NEK1: variants seen among roughly 807,000 people sequenced by gnomAD.
NEK1 encodes NIMA related kinase 1.
A neutral mutation model predicts 182.1 loss-of-function variants in NEK1; 137 were observed. The observed-to-expected ratio is 0.75, with a 90% CI of 0.65 to 0.87. The LOEUF is 0.87. Among genes scored for constraint, NEK1 ranks in the 40% least tolerant of loss-of-function variants. The pLI is 0.00. For missense variants in NEK1, 1,391 were observed against 1,494.4 expected, an observed-to-expected ratio of 0.93 and a Z score of 1.14; for synonymous variants, 513 against 492.2, an observed-to-expected ratio of 1.04 and a Z score of -0.56.
At chr4:169,591,152 C>G (rs559968448) in intron 5 of NEK1, among the ~76,000 whole-genome samples, 139 of 147,728 alleles carry the variant, frequency 9.4e-4, no homozygotes, top group African/African-American at 3.5e-3. Flanking sequence ...ACGCCCCCCC[C>G]CCACTTCTTT....
At chr4:169,597,834 T>C (rs1431009076) in intron 5 of NEK1, among the ~76,000 whole-genome samples, 2 of 152,010 alleles carry the variant, frequency 1.3e-5, no homozygotes, top group African/African-American at 4.8e-5. Flanking sequence ...CTCGGGAGGC[T>C]GAGGCAGGAG....
chr4:169,467,957 C>A (rs1196341047), intron 26 of NEK1, among the ~76,000 whole-genome samples: 1 of 151,556 alleles, frequency 6.6e-6, no homozygotes, highest in African/African-American at 2.4e-5. Flanking sequence ...CCATAAGAAA[C>A]CCATGTTAAA....
chr4:169,593,386 A>G (rs1768863761), intron 5 of NEK1, among the ~76,000 whole-genome samples: 1 of 152,210 alleles, frequency 6.6e-6, no homozygotes, highest in African/African-American at 2.4e-5. Context: ...TTGTTTATTG[A>G]TCCATATCAA....
intron 31 of NEK1, among the ~76,000 whole-genome samples, chr4:169,407,050 C>G (rs1015336985): frequency 6.6e-6 from 1 of 152,078 alleles, no homozygotes; most frequent in Admixed American, 6.6e-5. Context: ...CAGGAATTCC[C>G]TGATACCACC....
At chr4:169,591,435 G>A (rs1259965312) in intron 5 of NEK1, among the ~76,000 whole-genome samples, 3 of 151,922 alleles carry the variant, frequency 2.0e-5, no homozygotes, top group Admixed American at 2.0e-4. Flanking sequence ...GCCTCCCAAA[G>A]TACTGGGATT....
intron 23 of NEK1, among the ~76,000 whole-genome samples, chr4:169,490,529 C>G (rs1749868301): frequency 6.6e-6 from 1 of 152,002 alleles, no homozygotes; most frequent in Non-Finnish European, 1.5e-5. Context: ...AAGTAATGAT[C>G]TTACGGAAAC....
intron 12 of NEK1, among the ~76,000 whole-genome samples, chr4:169,567,839 C>A (rs1763971971): frequency 6.6e-6 from 1 of 152,162 alleles, no homozygotes; most frequent in South Asian, 2.1e-4. Flanking sequence ...TTTATAACTA[C>A]CATCTGAATC....
chr4:169,512,215 T>C (rs1448863417), intron 19 of NEK1, among the ~76,000 whole-genome samples: 1 of 152,182 alleles, frequency 6.6e-6, no homozygotes, highest in Non-Finnish European at 1.5e-5. Context: ...ACAATGGCTG[T>C]ATCATTTTAC....
intron 10 of NEK1, among the ~76,000 whole-genome samples, chr4:169,582,583 G>C (rs1766840417): frequency 6.6e-6 from 1 of 152,092 alleles, no homozygotes; most frequent in African/African-American, 2.4e-5. Flanking sequence ...AAAACAGGTG[G>C]TTTATGATCT....
chr4:169,430,421 G>C (rs544864190), intron 29 of NEK1, among the ~76,000 whole-genome samples: 1 of 152,304 alleles, frequency 6.6e-6, no homozygotes, highest in East Asian at 1.9e-4. Flanking sequence ...CTGGCCTCAA[G>C]AGATCTGCCT....
intron 12 of NEK1, among the ~76,000 whole-genome samples, chr4:169,569,386 G>T (rs1310002792): frequency 6.6e-6 from 1 of 151,938 alleles, no homozygotes; most frequent in African/African-American, 2.4e-5. Flanking sequence ...CTGGGATATC[G>T]TCAGCAGCTG....
At chr4:169,484,037 A>T (rs951213701) in intron 23 of NEK1, among the ~76,000 whole-genome samples, 3 of 152,194 alleles carry the variant, frequency 2.0e-5, no homozygotes, top group Non-Finnish European at 4.4e-5. Context: ...GAATAAAAAC[A>T]AGCTCCAAAG....
At chr4:169,479,936 A>G (rs1747680238) in intron 23 of NEK1, among the ~76,000 whole-genome samples, 1 of 152,204 alleles carries the variant, frequency 6.6e-6, no homozygotes, top group African/African-American at 2.4e-5. Flanking sequence ...ATTACTCAAC[A>G]TAAGAGCCCT....
intron 23 of NEK1, among the ~76,000 whole-genome samples, chr4:169,500,804 A>G (rs57177082): frequency 0.071 from 10,879 of 152,292 alleles, 1,276 homozygotes; most frequent in African/African-American, 0.25. Context: ...TGCTGCCACA[A>G]AAGTACATGT....
intron 18 of NEK1, chr4:169,554,302 C>A (rs556964830): frequency 5.9e-5 from 9 of 151,948 alleles, no homozygotes; most frequent in Non-Finnish European, 1.3e-4. Flanking sequence ...CCTGTAGTCC[C>A]AGCTGTTCAG....
chr4:169,499,260 T>G (rs941866783), intron 23 of NEK1, among the ~76,000 whole-genome samples: 12 of 152,346 alleles, frequency 7.9e-5, no homozygotes, highest in Middle Eastern at 3.4e-3. Flanking sequence ...ATCAGGTTCT[T>G]TAAGGACTTC....
chr4:169,576,805 G>T, intron 12 of NEK1, 123 bp downstream of exon 12: 2 of 935,670 alleles, frequency 2.1e-6, no homozygotes, highest in Non-Finnish European at 3.2e-6. Flanking sequence ...AACACAGAAG[G>T]AGGACATTCC....
At chr4:169,514,432 G>A (rs143190181) in intron 19 of NEK1, among the ~76,000 whole-genome samples, 3 of 152,314 alleles carry the variant, frequency 2.0e-5, no homozygotes, top group South Asian at 4.1e-4. Flanking sequence ...ACAGATTGTA[G>A]TGTTGTATCA....
chr4:169,534,732 CA>C (rs1452912653), intron 19 of NEK1, among the ~76,000 whole-genome samples: 1 of 151,970 alleles, frequency 6.6e-6, no homozygotes, highest in East Asian at 1.9e-4. Context: ...TTGAAAGACT[CA>C]AACTATTTCC....
Sources: allele counts gnomAD v4.1 joint callset (sites outside exome capture counted in the v4.1 genomes callset), GRCh38; gene constraint gnomAD v4.1.1; transcripts MANE v1.5; gene names NCBI Gene and HGNC (gene_info 2026-07-23, HGNC 2026-07-21).